Variants in ST3GAL2 observed in about 807,000 individuals in gnomAD.
ST3GAL2 encodes the protein CMP-N-acetylneuraminate-beta-galactosamide-alpha-2,3-sialyltransferase 2.
ST3GAL2 carries 16 observed loss-of-function variants against 37.5 expected under a neutral mutation model. That is an observed-to-expected ratio of 0.43 (90% confidence interval 0.29 to 0.65). The LOEUF (loss-of-function observed/expected upper bound fraction) is 0.65, where lower values mean the gene tolerates loss of function less well. Among genes scored for constraint, ST3GAL2 ranks in the 30% least tolerant of loss-of-function variants. The pLI, the probability that ST3GAL2 is intolerant of heterozygous loss-of-function variation, is 0.17. For missense variants in ST3GAL2, 383 were observed against 487.8 expected (o/e 0.79, Z 2.02); for synonymous variants, 238 against 202.9 (o/e 1.17, Z -1.47).
At position 70,431,959 on chromosome 16, in the gene ST3GAL2, G is replaced by A. The variant is rs944077454; in HGVS notation, c.-1004+6990C>T. ...AGCCTGGGCAACAGAGCGAGACTCC[G>A]TCTTAAAAAAAATATATATATATAT... On this transcript the variant is annotated intron_variant, in intron 1 of 6. Coordinates refer to ENST00000342907, the MANE Select transcript of ST3GAL2 (RefSeq NM_006927.4). 6.1e-4 allele frequency among the ~76,000 whole-genome samples: 89 copies of A among 145,282 alleles called. 1 individual carries two copies. Among genetic ancestry groups the A allele is most frequent in the South Asian group, 1.5e-3 (7 of 4,798 alleles).
intron 1 of ST3GAL2, among the ~76,000 whole-genome samples, chr16:70,431,913 G>A (rs1003661638): frequency 1.3e-5 from 2 of 151,812 alleles, no homozygotes; most frequent in African/African-American, 4.8e-5. Flanking sequence ...GCAGTGAGCC[G>A]AGATGGCGCC....
rs529871935 is a variant in ST3GAL2 at position 70,434,487 on chromosome 16, A to G, written c.-1004+4462T>C. 1.5e-3 allele frequency among the ~76,000 whole-genome samples: 222 copies of G among 152,144 alleles called. 1 individual carries two copies. Among genetic ancestry groups the G allele is most frequent in the Non-Finnish European group, 2.5e-3 (171 of 68,014 alleles). On this transcript the variant is annotated intron_variant, in intron 1 of 6. Transcript: ENST00000342907. ...TTTTGGGGGCAGACAACCCCAAAGG[A>G]CAATTAAGGTTTGTTGAGCACATCA...
At position 70,379,547 on chromosome 16, in the gene ST3GAL2, TAAA is replaced by T. The variant is rs540302393; in HGVS notation, c.*2139_*2141del. 6 of 152,120 alleles carry T rather than the reference TAAA, an allele frequency of 3.9e-5. No homozygotes were observed. The highest frequency in any genetic ancestry group is 7.2e-5 in the African/African-American group (3 of 41,424). 9.4% of individuals were successfully genotyped at this position (152,120 alleles called of 1,614,324 possible). On this transcript the variant is annotated 3_prime_UTR_variant, in exon 7 of 7. Transcript: ENST00000342907. ...CTTTTAATTCAGAAAGGGAAGGAAA[TAAA>T]AAAGTGTGTTTAAATTACTATTGCA... is the stretch of plus-strand genomic sequence containing the variant.
rs868556088 is a variant in ST3GAL2 at position 70,435,413 on chromosome 16, T to C, written c.-1004+3536A>G. Among the ~76,000 whole-genome samples, 17 of 152,060 alleles carry C rather than the reference T, an allele frequency of 1.1e-4. No homozygotes were observed. In the South Asian group the frequency reaches 2.9e-3, roughly 26 times the overall value. Reference sequence around the variant, plus strand: ...GAGTTTGAGACCAGCCTGACCAACATGGAGAAACTCCATCTCTACTAAAAA... The same window carrying C: ...GAGTTTGAGACCAGCCTGACCAACACGGAGAAACTCCATCTCTACTAAAAA... On this transcript the variant is annotated intron_variant, in intron 1 of 6. Transcript: ENST00000342907.
intron 1 of ST3GAL2, among the ~76,000 whole-genome samples, chr16:70,408,914 A>C (rs1482904763): frequency 7.3e-6 from 1 of 137,216 alleles, no homozygotes; most frequent in African/African-American, 3.2e-5. Context: ...AAAAAAAAAA[A>C]AAAAAAAAAA....
intron 1 of ST3GAL2, among the ~76,000 whole-genome samples, chr16:70,431,959 G>C (rs944077454): frequency 1.4e-5 from 2 of 145,200 alleles, no homozygotes; most frequent in African/African-American, 5.7e-5. Context: ...GCGAGACTCC[G>C]TCTTAAAAAA....
intron 1 of ST3GAL2, among the ~76,000 whole-genome samples, chr16:70,411,944 A>C (rs1390768963): frequency 1.3e-5 from 2 of 151,598 alleles, no homozygotes; most frequent in Non-Finnish European, 2.9e-5. Flanking sequence ...CGGTGAGCCG[A>C]GATCACCCCA....
At chr16:70,410,240 C>CAT (rs2047627628) in intron 1 of ST3GAL2, among the ~76,000 whole-genome samples, 3 of 62,664 alleles carry the variant, frequency 4.8e-5, no homozygotes, top group Non-Finnish European at 8.7e-5. Flanking sequence ...CCACCCTCAC[C>CAT]TTTTTTTTTT....
Position 70,383,184 on chromosome 16 carries a change from G to A in ST3GAL2, c.759+6C>T, listed in dbSNP as rs762556000. ...CACTGAGGTGGGGAAGAAGTGGGGA[G>A]CTTACCTTTTCTTTATCCACTCGAA... is the stretch of plus-strand genomic sequence containing the variant. On this transcript the variant is annotated splice_donor_region_variant and intron_variant, in intron 5 of 6. Coordinates refer to ENST00000342907, the MANE Select transcript of ST3GAL2 (RefSeq NM_006927.4). 6.2e-7 allele frequency: 1 copy of A among 1,612,436 alleles called. No individual in the cohort carries two copies.
At chr16:70,389,542 G>A (rs957279657) in intron 3 of ST3GAL2, among the ~76,000 whole-genome samples, 9 of 152,206 alleles carry the variant, frequency 5.9e-5, no homozygotes, top group African/African-American at 9.6e-5. Flanking sequence ...TCACCTCACT[G>A]CAACCTCCAC....
At chr16:70,391,152 G>A (rs150056176) in intron 3 of ST3GAL2, among the ~76,000 whole-genome samples, 6 of 152,282 alleles carry the variant, frequency 3.9e-5, no homozygotes, top group African/African-American at 7.2e-5. Flanking sequence ...CCTCAGGGAC[G>A]GGACTGGGAA....
chr16:70,391,250 G>T (rs1374162096), intron 3 of ST3GAL2, among the ~76,000 whole-genome samples: 1 of 152,092 alleles, frequency 6.6e-6, no homozygotes, highest in Admixed American at 6.6e-5. Flanking sequence ...CTTTGGGGTG[G>T]GAGGTCTCAA....
chr16:70,405,180 AT>A (rs1307719558), intron 1 of ST3GAL2, among the ~76,000 whole-genome samples: 1 of 152,210 alleles, frequency 6.6e-6, no homozygotes, highest in Non-Finnish European at 1.5e-5. Context: ...TTATTCAGAT[AT>A]AAAAAGGAAT....
intron 1 of ST3GAL2, among the ~76,000 whole-genome samples, chr16:70,408,908 A>C (rs985071982): frequency 3.5e-5 from 4 of 114,912 alleles, no homozygotes; most frequent in Non-Finnish European, 4.8e-5. Flanking sequence ...AAAAAAAAAA[A>C]AAAAAAAAAA....
intron 1 of ST3GAL2, among the ~76,000 whole-genome samples, chr16:70,421,596 C>A (rs1241348932): frequency 6.6e-6 from 1 of 152,238 alleles, no homozygotes; most frequent in Non-Finnish European, 1.5e-5. Flanking sequence ...CTTTATGATA[C>A]AGCTTGGGGT....
At chr16:70,425,994 A>G (rs928009561) in intron 1 of ST3GAL2, among the ~76,000 whole-genome samples, 16 of 152,246 alleles carry the variant, frequency 1.1e-4, no homozygotes, top group African/African-American at 3.6e-4. Flanking sequence ...ACTGCCCACC[A>G]TCAGAGTCCC....
At chr16:70,429,716 A>G (rs190727041) in intron 1 of ST3GAL2, among the ~76,000 whole-genome samples, 4 of 133,432 alleles carry the variant, frequency 3.0e-5, no homozygotes, top group East Asian at 2.2e-4. Flanking sequence ...ATCACGGCTC[A>G]CTGTAACCTC....
intron 1 of ST3GAL2, among the ~76,000 whole-genome samples, chr16:70,425,687 C>T (rs1320734972): frequency 2.6e-5 from 4 of 152,110 alleles, no homozygotes; most frequent in African/African-American, 9.7e-5. Flanking sequence ...CCATTCACTC[C>T]AGCCTGGGTG....
At chr16:70,406,792 A>G (rs907198343) in intron 1 of ST3GAL2, among the ~76,000 whole-genome samples, 139 of 152,022 alleles carry the variant, frequency 9.1e-4, no homozygotes, top group African/African-American at 3.0e-3. Flanking sequence ...AAAAAAAAAA[A>G]GGAATGGGAT....
Sources: gnomAD v4.1 joint callset for allele counts (sites outside exome capture counted in the v4.1 genomes callset) on GRCh38, gnomAD v4.1.1 for gene constraint, MANE v1.5 for transcripts, NCBI Gene and HGNC (gene_info 2026-07-23, HGNC 2026-07-21) for gene names.